Variants in CYFIP2 observed in about 807,000 individuals in gnomAD.
CYFIP2 encodes cytoplasmic FMR1-interacting protein 2.
In CYFIP2, 29 loss-of-function variants were observed where a neutral mutation model predicts 158.7. That is an observed-to-expected ratio of 0.18 (90% CI 0.14 to 0.25). The LOEUF is 0.25. Ranked by LOEUF, CYFIP2 falls within the 10% of genes least tolerant of loss-of-function variation. The pLI, the probability that CYFIP2 is intolerant of heterozygous loss-of-function variation, is 1.00. For missense variants in CYFIP2, 852 were observed against 1,639.5 expected, an observed-to-expected ratio of 0.52 and a Z score of 8.29; for synonymous variants, 585 against 617.6, an observed-to-expected ratio of 0.95 and a Z score of 0.78.
chr5:157,312,449 GAT>G (rs1239615072), intron 11 of CYFIP2, among the ~76,000 whole-genome samples: 1 of 151,496 alleles, frequency 6.6e-6, no homozygotes, highest in Non-Finnish European at 1.5e-5. Flanking sequence ...CTGGTATTTG[GAT>G]ATATATATAT....
intron 28 of CYFIP2, chr5:157,384,232 T>C (rs948453318): frequency 8.8e-6 from 4 of 454,792 alleles, no homozygotes; most frequent in Admixed American, 4.7e-5. Flanking sequence ...ATTCAGATTA[T>C]GCAGGGAGCA....
intron 6 of CYFIP2, among the ~76,000 whole-genome samples, chr5:157,301,660 G>A (rs928863091): frequency 3.9e-5 from 6 of 152,126 alleles, no homozygotes; most frequent in East Asian, 3.8e-4. Flanking sequence ...CCAGGAGAGG[G>A]TCTCACACCT....
intron 4 of CYFIP2, among the ~76,000 whole-genome samples, chr5:157,296,178 G>A (rs189436870): frequency 1.3e-5 from 2 of 152,310 alleles, no homozygotes; most frequent in East Asian, 1.9e-4. Flanking sequence ...CAATGTCTGC[G>A]GAGCACTTCT....
At chr5:157,369,286 T>C (rs1253395779) in intron 26 of CYFIP2, among the ~76,000 whole-genome samples, 4 of 152,300 alleles carry the variant, frequency 2.6e-5, no homozygotes. Context: ...TAAAGTTTTG[T>C]TCAGAATTTT....
At chr5:157,375,661 G>C (rs980187399) in intron 26 of CYFIP2, 2 of 144,544 alleles carry the variant, frequency 1.4e-5, no homozygotes, top group Non-Finnish European at 3.0e-5. Flanking sequence ...TAGCTCATCA[G>C]CTGTTGTTAG....
At chr5:157,289,316 C>T (rs1757640569) in intron 3 of CYFIP2, among the ~76,000 whole-genome samples, 1 of 152,212 alleles carries the variant, frequency 6.6e-6, no homozygotes, top group African/African-American at 2.4e-5. Flanking sequence ...CTGGTATGGA[C>T]TGTAAAGTGC....
chr5:157,303,042 C>T, intron 7 of CYFIP2, 152 bp downstream of exon 7: 1 of 623,546 alleles, frequency 1.6e-6, no homozygotes, highest in Non-Finnish European at 2.8e-6. Context: ...TAGCTGAGGA[C>T]TTAAGTCTGT....
Position 157,392,849 on chromosome 5 carries a change from C to G in CYFIP2, c.3611C>G (p.Ala1204Gly). The G allele has an allele frequency of 6.2e-7, 1 of 1,613,766 alleles. No homozygotes were observed. Among genetic ancestry groups the G allele is most frequent in the Non-Finnish European group, 8.5e-7 (1 of 1,179,786 alleles). The stretch of plus-strand genomic sequence containing the variant: ...CTTCTGTAGCCCCTGAAGAAGATGG[C>G]CGACCGGATCAGGAAGTATCAGATC... Reference protein sequence around the residue: ...IIKNVPLKKMADRIRKYQILN... With the variant: ...IIKNVPLKKMGDRIRKYQILN... Residue 1204 changes from alanine (A) to glycine (G), a missense_variant, in exon 31 of 31, where the codon GCC (alanine) becomes GGC (glycine). Ala to Gly is a moderately conservative substitution (Grantham distance 60). Around this residue, in one of 8 missense-constraint regions of CYFIP2, gnomAD observed 223 missense variants for 381.6 expected, o/e 0.58. Coordinates refer to ENST00000620254, the MANE Select transcript of CYFIP2 (RefSeq NM_001037333.3).
chr5:157,393,676 G>C lies in CYFIP2; in HGVS notation c.*676G>C, dbSNP rs147444680. On this transcript the variant is annotated 3_prime_UTR_variant, in exon 31 of 31. Coordinates refer to ENST00000620254, the MANE Select transcript of CYFIP2 (RefSeq NM_001037333.3). ...AGGAGACTGATCAGGCCTGCTGTGG[G>C]GAAGCAGTATGTATGAACACAGCCA... is the stretch of plus-strand genomic sequence containing the variant. The C allele has an allele frequency of 6.6e-6, 1 of 152,318 alleles. No individual in the cohort carries two copies. The highest frequency in any genetic ancestry group is 2.1e-4 in the South Asian group (1 of 4,834). The allele number at this position is 152,318 out of a possible 1,614,324, so 9.4% of individuals were successfully genotyped here. A position where few individuals can be genotyped will look rare whatever the true frequency, so the allele number is the denominator to read the frequency against.
intron 1 of CYFIP2, among the ~76,000 whole-genome samples, chr5:157,273,517 A>G (rs1050569838): frequency 6.6e-5 from 10 of 152,162 alleles, no homozygotes; most frequent in Admixed American, 5.9e-4. Flanking sequence ...GGAGGGAACA[A>G]ACAAGCTAGC....
Position 157,390,671 on chromosome 5 carries a change from G to T in CYFIP2, c.3594+3G>T. ...AGGATGAAATCATTAAGAATGTGGTGAGCAGGCTGGTGGCTAAGGCCTGGG... is the reference window on the plus strand; with the variant it reads ...AGGATGAAATCATTAAGAATGTGGTTAGCAGGCTGGTGGCTAAGGCCTGGG... On this transcript the variant is annotated splice_donor_region_variant and intron_variant, in intron 30 of 30. Coordinates refer to ENST00000620254, the MANE Select transcript of CYFIP2 (RefSeq NM_001037333.3). 1.3e-6 allele frequency: 2 copies of T among 1,582,248 alleles called. No homozygotes were observed. Among genetic ancestry groups the T allele is most frequent in the Admixed American group, 1.8e-5 (1 of 54,868 alleles).
intron 26 of CYFIP2, among the ~76,000 whole-genome samples, chr5:157,373,515 G>T (rs896133195): frequency 6.6e-6 from 1 of 152,100 alleles, no homozygotes; most frequent in African/African-American, 2.4e-5. Flanking sequence ...GAGATGTGTT[G>T]GGAGAAAGAG....
Position 157,314,393 on chromosome 5 carries a change from G to A in CYFIP2, c.1160G>A (p.Arg387His), listed in dbSNP as rs758334790. 40 of 1,613,788 alleles carry A rather than the reference G, an allele frequency of 2.5e-5. No homozygotes were observed. Among genetic ancestry groups the A allele is most frequent in the African/African-American group, 5.3e-5 (4 of 74,920 alleles). Residue 387 changes from arginine (R) to histidine (H), a missense_variant, in exon 12 of 31, where the codon CGC becomes CAC. Physicochemically the swap from Arg to His is conservative, Grantham distance 29. Around this residue, in one of 8 missense-constraint regions of CYFIP2, gnomAD observed 133 missense variants for 197.1 expected, o/e 0.67. Transcript: ENST00000620254. Reference protein sequence around the residue: ...LDSQKSDEEYRELFDLALRGL... With the variant: ...LDSQKSDEEYHELFDLALRGL... ...AGCCAGAAGTCAGACGAGGAGTATC[G>A]CGAGCTCTTCGACCTAGCCCTGCGG...
In CYFIP2 at chr5:157,295,579, GTTT is replaced by G. The variant is rs375295963; in HGVS notation, c.285+721_285+723del. ...TGTCTTATATATGAGCACACATGCT[GTTT>G]TGTTTCACTTAATAAAAATGGGACC... On this transcript the variant is annotated intron_variant, in intron 4 of 30. Coordinates refer to ENST00000620254, the MANE Select transcript of CYFIP2 (RefSeq NM_001037333.3). Among the ~76,000 whole-genome samples, 54 of 152,340 alleles carry G rather than the reference GTTT, an allele frequency of 3.5e-4. No individual in the cohort carries two copies. In the Middle Eastern group the frequency reaches 0.01, roughly 29 times the overall value.
chr5:157,339,478 C>G (rs1581095537), intron 22 of CYFIP2, among the ~76,000 whole-genome samples: 1 of 152,218 alleles, frequency 6.6e-6, no homozygotes, highest in African/African-American at 2.4e-5. Context: ...TTGAAGAGCT[C>G]TTTCTACTGC....
At chr5:157,330,240 ATGTGTGTG>A (rs58447290) in intron 19 of CYFIP2, among the ~76,000 whole-genome samples, 2,122 of 144,398 alleles carry the variant, frequency 0.015, 43 homozygotes, top group East Asian at 0.097. Context: ...GAGATTTAAA[ATGTGTGTG>A]TGTGTGTGTG....
At chr5:157,346,926 G>A (rs1184781125) in intron 23 of CYFIP2, among the ~76,000 whole-genome samples, 1 of 152,160 alleles carries the variant, frequency 6.6e-6, no homozygotes, top group African/African-American at 2.4e-5. Context: ...AGGGCCGTCT[G>A]GCTTTGAGGT....
intron 21 of CYFIP2, among the ~76,000 whole-genome samples, chr5:157,336,911 T>C (rs532328500): frequency 2.0e-5 from 3 of 152,336 alleles, no homozygotes; most frequent in South Asian, 2.1e-4. Flanking sequence ...CTGGGTTACA[T>C]ACTGTGCAGG....
At chr5:157,296,468 C>T in intron 4 of CYFIP2, 2 of 559,390 alleles carry the variant, frequency 3.6e-6, no homozygotes, top group Non-Finnish European at 6.8e-6. Flanking sequence ...GTGTTGCATG[C>T]CTGAAGTCCC....
Sources: allele counts gnomAD v4.1 joint callset (sites outside exome capture counted in the v4.1 genomes callset), GRCh38; gene constraint gnomAD v4.1.1; regional missense constraint gnomAD v4.1.1; transcripts MANE v1.5; gene names NCBI Gene and HGNC (gene_info 2026-07-23, HGNC 2026-07-21).